Variants in ZNF831 observed in about 807,000 individuals in gnomAD.
ZNF831 encodes zinc finger protein 831.
Under a neutral mutation model 95.8 loss-of-function variants are expected in ZNF831, and 59 were observed. The observed-to-expected ratio is 0.62, with a 90% CI of 0.50 to 0.77. The LOEUF (loss-of-function observed/expected upper bound fraction) is 0.77. ZNF831 is among the 30% of genes least tolerant of loss of function. ZNF831 has a pLI of 0.00. For missense variants in ZNF831, 2,205 were observed against 2,164.0 expected (o/e 1.02, Z -0.38); for synonymous variants, 961 against 925.5 (o/e 1.04, Z -0.70).
chr20:59,161,621 G>A (rs983709123), upstream of ZNF831, among the ~76,000 whole-genome samples: 13 of 152,146 alleles, frequency 8.5e-5, no homozygotes, highest in African/African-American at 2.2e-4. Context: ...TGTATATTCC[G>A]TGGTGTATAT....
chr20:59,205,329 T>C (rs1473471956), intron 3 of ZNF831, among the ~76,000 whole-genome samples: 2 of 152,122 alleles, frequency 1.3e-5, no homozygotes, highest in Non-Finnish European at 2.9e-5. Flanking sequence ...CTCAGATAGC[T>C]CTTTCAGGAA....
chr20:59,171,109 G>A (rs946517387), intron 1 of ZNF831, among the ~76,000 whole-genome samples: 16 of 152,214 alleles, frequency 1.1e-4, no homozygotes, highest in Non-Finnish European at 2.1e-4. Context: ...GCTGGGCTGA[G>A]GCTGCAAGGT....
intron 4 of ZNF831, among the ~76,000 whole-genome samples, chr20:59,219,477 G>A (rs563980906): frequency 5.9e-5 from 9 of 152,270 alleles, no homozygotes; most frequent in East Asian, 1.9e-4. Flanking sequence ...CGGTGAGCTC[G>A]CTGATATGAT....
Position 59,193,842 on chromosome 20 carries a change from C to T in ZNF831, c.2823C>T (p.Tyr941=), listed in dbSNP as rs2146590327. Residue 941 remains tyrosine, a synonymous_variant, in exon 2 of 6, where the codon TAC becomes TAT. Coordinates refer to ENST00000371030, the MANE Select transcript of ZNF831 (RefSeq NM_178457.3). ...ALADNAFSPK[Y]LLRLPQAETP... ...CAGATAATGCCTTTTCCCCCAAGTA[C>T]CTCCTCAGGTTACCTCAGGCAGAGA... The T allele has an allele frequency of 1.2e-6, 2 of 1,613,402 alleles. No individual in the cohort carries two copies. The highest frequency in any genetic ancestry group is 1.7e-6 in the Non-Finnish European group (2 of 1,179,648).
In ZNF831 at chr20:59,194,084, T is replaced by TG. The variant is rs775554241; in HGVS notation, c.3073dup (p.Asp1025GlyfsTer9). Reference sequence around the variant, plus strand: ...CAGGATGGGAGAAAAGGGGCACAGTTGGGGGGGGACAAGGGGGACAGGATG... The same window carrying TG: ...CAGGATGGGAGAAAAGGGGCACAGTTGGGGGGGGGACAAGGGGGACAGGATG... On this transcript the variant is annotated frameshift_variant, in exon 2 of 6. Transcript: ENST00000371030. LOFTEE classifies it high-confidence loss of function. 4.6e-5 allele frequency: 71 copies of TG among 1,537,142 alleles called. No individual in the cohort carries two copies. The highest frequency in any genetic ancestry group is 5.9e-5 in the Admixed American group (3 of 50,974).
chr20:59,204,740 C>T (rs1013864420), intron 3 of ZNF831, among the ~76,000 whole-genome samples: 1 of 152,130 alleles, frequency 6.6e-6, no homozygotes, highest in Non-Finnish European at 1.5e-5. Flanking sequence ...TGCGGAGGTG[C>T]AGCCTGACGA....
At chr20:59,229,953 A>G (rs1221658211) in intron 4 of ZNF831, among the ~76,000 whole-genome samples, 1 of 152,182 alleles carries the variant, frequency 6.6e-6, no homozygotes, top group African/African-American at 2.4e-5. Context: ...AGAATATTCT[A>G]GAGGGGCACT....
At chr20:59,212,479 A>C (rs1413068999) in intron 4 of ZNF831, among the ~76,000 whole-genome samples, 3 of 152,158 alleles carry the variant, frequency 2.0e-5, no homozygotes, top group Non-Finnish European at 4.4e-5. Flanking sequence ...TTTCTTTTTA[A>C]ATATCAACTA....
At chr20:59,155,265 A>C (rs1439443176) in intron 2 of ZNF831, among the ~76,000 whole-genome samples, 2 of 152,206 alleles carry the variant, frequency 1.3e-5, no homozygotes, top group Non-Finnish European at 2.9e-5. Flanking sequence ...CAGAAGTAGG[A>C]GGAAGGGAAG....
intron 1 of ZNF831, among the ~76,000 whole-genome samples, chr20:59,124,358 C>T (rs882384): frequency 0.13 from 20,394 of 152,090 alleles, 1,494 homozygotes; most frequent in African/African-American, 0.14. Flanking sequence ...TGATTTTGAA[C>T]AAAACTGTCA....
intron 1 of ZNF831, among the ~76,000 whole-genome samples, chr20:59,144,459 G>A (rs902588883): frequency 6.6e-6 from 1 of 152,146 alleles, no homozygotes; most frequent in African/African-American, 2.4e-5. Context: ...CTACCCGCTA[G>A]AGGCCTAGCA....
rs1434942700 is a variant in ZNF831 at position 59,193,726 on chromosome 20, G to C, written c.2707G>C (p.Ala903Pro). 6.2e-7 allele frequency: 1 copy of C among 1,611,592 alleles called. No individual in the cohort carries two copies. Among genetic ancestry groups the C allele is most frequent in the African/African-American group, 1.3e-5 (1 of 74,920 alleles). ...GAAGAGGGTGGGGCCAAGGGACAAG[G>C]CTACCCCACTGCATCCTGCAGCCCC... is the stretch of plus-strand genomic sequence containing the variant. Reference protein sequence around the residue: ...ALKRVGPRDKATPLHPAAPAP... With the variant: ...ALKRVGPRDKPTPLHPAAPAP... The change falls in exon 2 of 6, where the codon GCT (alanine) becomes CCT (proline). Residue 903 changes from alanine (A) to proline (P), a missense_variant. By Grantham distance (27) the Ala-to-Pro change is conservative. Coordinates refer to ENST00000371030, the MANE Select transcript of ZNF831 (RefSeq NM_178457.3).
Position 59,192,517 on chromosome 20 carries a change from C to T in ZNF831, c.1498C>T (p.Pro500Ser), listed in dbSNP as rs2146566931. ...GCTCTCCACCACCGTGGAATGTGTC[C>T]CCGTCACCAGGAGCAACTCGCTGCC... ...TQLSTTVECV[P>S]VTRSNSLPFV... Residue 500 changes from proline to serine, a missense_variant, in exon 2 of 6, where the codon CCC becomes TCC. Transcript: ENST00000371030. This position sits in a 1 kb window ranked among gnomAD's most constrained non-coding sequence, Gnocchi z 5.2. The T allele has an allele frequency of 6.5e-7, 1 of 1,536,632 alleles. No homozygotes were observed. Among genetic ancestry groups the T allele is most frequent in the East Asian group, 2.3e-5 (1 of 44,128 alleles).
rs772887092 is a variant in ZNF831, at chr20:59,191,746, G to A, written c.727G>A (p.Glu243Lys). ...RCQGMHEGAS[E>K]RPLSPGAHVP... The stretch of plus-strand genomic sequence containing the variant: ...CCAGGGGATGCACGAAGGCGCCTCG[G>A]AGAGACCCCTTTCTCCGGGTGCCCA... Residue 243 changes from glutamate (E) to lysine (K), a missense_variant, in exon 2 of 6, where the codon GAG becomes AAG. Glu to Lys is a moderately conservative substitution (Grantham distance 56). Coordinates refer to ENST00000371030, the MANE Select transcript of ZNF831 (RefSeq NM_178457.3). 1.9e-6 allele frequency: 3 copies of A among 1,603,976 alleles called. No individual in the cohort carries two copies. In the South Asian group the frequency reaches 3.3e-5, roughly 18 times the overall value.
intron 1 of ZNF831, among the ~76,000 whole-genome samples, chr20:59,132,917 C>T (rs954209041): frequency 1.3e-5 from 2 of 152,388 alleles, no homozygotes; most frequent in East Asian, 3.9e-4. Context: ...CTGCTGACCA[C>T]AGCTGGAAGC....
intron 1 of ZNF831, among the ~76,000 whole-genome samples, chr20:59,182,737 C>T (rs1335439013): frequency 6.6e-6 from 1 of 152,192 alleles, no homozygotes; most frequent in Non-Finnish European, 1.5e-5. Context: ...CTGGCCTGCT[C>T]CTTTATCATA....
At chr20:59,195,204 C>T (rs1233879378) in intron 2 of ZNF831, among the ~76,000 whole-genome samples, 1 of 152,126 alleles carries the variant, frequency 6.6e-6, no homozygotes, top group African/African-American at 2.4e-5. Flanking sequence ...TGGACTCAGC[C>T]CTCTCTCTGA....
Position 59,253,880 on chromosome 20 carries a change from C to CCTTT in ZNF831, c.4189-18_4189-17insCTTT. The stretch of plus-strand genomic sequence containing the variant: ...AACCTCCCCCCCCACTTTTTTTTTC[C>CCTTT]TTTGCACTTTGTTGCAGGATATTTC... On this transcript the variant is annotated splice_polypyrimidine_tract_variant and intron_variant, in intron 5 of 5. Transcript: ENST00000371030. 1.6e-6 allele frequency: 1 copy of CCTTT among 621,698 alleles called. No homozygotes were observed. The highest frequency in any genetic ancestry group is 2.3e-6 in the Non-Finnish European group (1 of 439,404). 38.5% of individuals were successfully genotyped at this position (621,698 alleles called of 1,614,324 possible). A position where few individuals can be genotyped will look rare whatever the true frequency, so the allele number is the denominator to read the frequency against.
At position 59,169,453 on chromosome 20, in the gene ZNF831, G is replaced by A. The variant is rs937582451; in HGVS notation, c.-37+5246G>A. On this transcript the variant is annotated intron_variant, in intron 1 of 5. Transcript: ENST00000371030. The surrounding 1 kb of genome is among the most constrained non-coding windows in gnomAD (Gnocchi z 4.1). The stretch of plus-strand genomic sequence containing the variant: ...GTCTTCTCTCATTTGTCCTTTGTCA[G>A]TTTTTGTAGAGATTCTAAAGACCAA... 2.6e-5 allele frequency among the ~76,000 whole-genome samples: 4 copies of A among 152,158 alleles called. No individual in the cohort carries two copies. The highest frequency in any genetic ancestry group is 1.3e-4 in the Admixed American group (2 of 15,270).
Sources: gnomAD v4.1 joint callset for allele counts (sites outside exome capture counted in the v4.1 genomes callset) on GRCh38, gnomAD v4.1.1 for gene constraint, Gnocchi (gnomAD v3.1) non-coding constraint, MANE v1.5 for transcripts, NCBI Gene and HGNC (gene_info 2026-07-23, HGNC 2026-07-21) for gene names.